Variants in ANKRD34C observed in about 807,000 individuals in gnomAD.
ANKRD34C encodes the protein ankyrin repeat domain-containing protein 34C.
For missense variants in ANKRD34C, 563 were observed against 653.0 expected (o/e 0.86, Z 1.50); for synonymous variants, 260 against 253.6 (o/e 1.03, Z -0.24).
chr15:79,292,118 G>A (rs1161073735), intron 1 of ANKRD34C, among the ~76,000 whole-genome samples: 1 of 152,234 alleles, frequency 6.6e-6, no homozygotes, highest in Non-Finnish European at 1.5e-5. Context: ...AATCAGATGA[G>A]GAGGAAACTC....
chr15:79,289,028 C>T (rs547899432), intron 1 of ANKRD34C, among the ~76,000 whole-genome samples: 241 of 152,114 alleles, frequency 1.6e-3, no homozygotes, highest in African/African-American at 5.6e-3. Context: ...ACCATGTTGG[C>T]CAGCTGGTCT....
In ANKRD34C at chr15:79,295,068, C is replaced by T; in HGVS notation, c.*176C>T. 1.4e-6 allele frequency: 1 copy of T among 713,358 alleles called. No homozygotes were observed. Among genetic ancestry groups the T allele is most frequent in the South Asian group, 2.7e-5 (1 of 37,516 alleles). 44.2% of individuals were successfully genotyped at this position (713,358 alleles called of 1,614,324 possible). On this transcript the variant is annotated 3_prime_UTR_variant, in exon 2 of 2. Transcript: ENST00000421388. ...TTTTTATAGGCCTACTTGAAAAGAG[C>T]TCAGGATAATTGGGTTTTGAAGATA...
intron 1 of ANKRD34C, among the ~76,000 whole-genome samples, chr15:79,290,010 T>C (rs906224186): frequency 6.6e-6 from 1 of 152,130 alleles, no homozygotes; most frequent in Non-Finnish European, 1.5e-5. Flanking sequence ...TTTCTTTATC[T>C]ATTTCCTTCT....
Position 79,297,026 on chromosome 15 carries a change from T to G in ANKRD34C, c.*2134T>G, listed in dbSNP as rs2058673980. The G allele has an allele frequency of 6.0e-6, 1 of 167,132 alleles. No individual in the cohort carries two copies. Among genetic ancestry groups the G allele is most frequent in the African/African-American group, 2.4e-5 (1 of 41,466 alleles). 10.4% of individuals were successfully genotyped at this position (167,132 alleles called of 1,614,324 possible). A position where few individuals can be genotyped will look rare whatever the true frequency, so the allele number is the denominator to read the frequency against. ...AAACACACTCCAACATGTGTGCTAA[T>G]GGTCTCATACTTTGTAGGAAGGGAA... On this transcript the variant is annotated 3_prime_UTR_variant, in exon 2 of 2. Transcript: ENST00000421388.
Position 79,293,422 on chromosome 15 carries a change from A to T in ANKRD34C, c.138A>T (p.Thr46=). Reference sequence around the variant, plus strand: ...ATGAAAGCAATGACAAAGGCGAAACAGCTCTCATGGTGGCGTGCATCACCA... The same window carrying T: ...ATGAAAGCAATGACAAAGGCGAAACTGCTCTCATGGTGGCGTGCATCACCA... ...YINESNDKGE[T]ALMVACITKH... The change falls in exon 2 of 2, where the codon ACA becomes ACT. Residue 46 remains threonine, a synonymous_variant. Transcript: ENST00000421388. The T allele has an allele frequency of 6.4e-7, 1 of 1,551,720 alleles. No individual in the cohort carries two copies. Among genetic ancestry groups the T allele is most frequent in the South Asian group, 1.2e-5 (1 of 84,060 alleles).
At position 79,297,570 on chromosome 15, in the gene ANKRD34C, T is replaced by G. The variant is rs1029069682; in HGVS notation, c.*2678T>G. The G allele has an allele frequency of 6.0e-6, 1 of 167,100 alleles. No individual in the cohort carries two copies. The highest frequency in any genetic ancestry group is 2.4e-5 in the African/African-American group (1 of 41,466). The allele number at this position is 167,100 out of a possible 1,614,324, so 10.4% of individuals were successfully genotyped here. A position where few individuals can be genotyped will look rare whatever the true frequency, so the allele number is the denominator to read the frequency against. On this transcript the variant is annotated 3_prime_UTR_variant, in exon 2 of 2. Coordinates refer to ENST00000421388, the MANE Select transcript of ANKRD34C (RefSeq NM_001146341.2). ...TCATGCCACTCATTGCCTGCATCAG[T>G]CAGTCATGACCTTTGCATCAGCCTT...
chr15:79,288,971 C>T (rs1026773494), intron 1 of ANKRD34C, among the ~76,000 whole-genome samples: 1 of 151,924 alleles, frequency 6.6e-6, no homozygotes, highest in Non-Finnish European at 1.5e-5. Context: ...CAAGCGTGTG[C>T]CACCACGCCT....
rs544083558 is a variant in ANKRD34C at position 79,287,767 on chromosome 15, T to A, written c.-45+4539T>A. ...AGGAAAAGTACTCTCTCCCTGCCTC[T>A]CATCTCAGCTTCTCAGTGTGTTTAC... On this transcript the variant is annotated intron_variant, in intron 1 of 1. Coordinates refer to ENST00000421388, the MANE Select transcript of ANKRD34C (RefSeq NM_001146341.2). Among the ~76,000 whole-genome samples, 27 of 152,336 alleles carry A rather than the reference T, an allele frequency of 1.8e-4. No individual in the cohort carries two copies. The South Asian group carries it at 5.0e-3, about 28-fold the overall frequency.
At chr15:79,291,668 T>C (rs898643498) in intron 1 of ANKRD34C, among the ~76,000 whole-genome samples, 3 of 129,430 alleles carry the variant, frequency 2.3e-5, no homozygotes, top group Non-Finnish European at 4.9e-5. Context: ...AGGAAGGGGA[T>C]GGAGAGACAG....
At chr15:79,283,850 C>T (rs555980261) in intron 1 of ANKRD34C, 1 of 152,358 alleles carries the variant, frequency 6.6e-6, no homozygotes, top group East Asian at 1.9e-4. Flanking sequence ...ACGCTGCTCT[C>T]AGTTCAGGGC....
chr15:79,294,364 A>T lies in ANKRD34C; in HGVS notation c.1080A>T (p.Pro360=). 6.4e-7 allele frequency: 1 copy of T among 1,551,664 alleles called. No individual in the cohort carries two copies. ...ACCAAGAGAAATGTGGTATGGGTCC[A>T]TCAGGACCCTCTGCTCTCAAAGAGC... ...PVDQEKCGMG[P]SGPSALKEPA... The change falls in exon 2 of 2, where the codon CCA becomes CCT. Residue 360 remains proline, a synonymous_variant. Transcript: ENST00000421388.
chr15:79,287,516 G>A (rs1029410633), intron 1 of ANKRD34C, among the ~76,000 whole-genome samples: 1 of 152,220 alleles, frequency 6.6e-6, no homozygotes, highest in Non-Finnish European at 1.5e-5. Context: ...CTAGCCTGGA[G>A]TAGATAATCA....
At chr15:79,290,394 C>T (rs1435885483) in intron 1 of ANKRD34C, among the ~76,000 whole-genome samples, 2 of 152,106 alleles carry the variant, frequency 1.3e-5, no homozygotes, top group African/African-American at 4.8e-5. Context: ...TCTTTTGGTA[C>T]ACATATTAGT....
At chr15:79,293,191 A>C (rs1480275771) in intron 1 of ANKRD34C, 50 bp from the exon 2 acceptor site, 10 of 1,312,126 alleles carry the variant, frequency 7.6e-6, no homozygotes, top group Non-Finnish European at 1.0e-5. Context: ...CATGCTGCAC[A>C]GATCTGTTAT....
At chr15:79,288,374 A>G (rs190509984) in intron 1 of ANKRD34C, among the ~76,000 whole-genome samples, 49 of 152,344 alleles carry the variant, frequency 3.2e-4, no homozygotes, top group African/African-American at 1.2e-3. Context: ...AAATTGTATA[A>G]TCTATTGCAT....
intron 1 of ANKRD34C, among the ~76,000 whole-genome samples, chr15:79,285,137 G>T (rs1436832452): frequency 3.9e-5 from 6 of 152,190 alleles, no homozygotes; most frequent in African/African-American, 1.2e-4. Context: ...ACAAGATTAA[G>T]GCTATAGCCA....
rs978229000 is a variant in ANKRD34C, at chr15:79,295,819, C to T, written c.*927C>T. 2.4e-5 allele frequency: 4 copies of T among 167,038 alleles called. No homozygotes were observed. In the East Asian group the frequency reaches 7.7e-4, roughly 32 times the overall value. The allele number at this position is 167,038 out of a possible 1,614,324, so 10.3% of individuals were successfully genotyped here. A position where few individuals can be genotyped will look rare whatever the true frequency, so the allele number is the denominator to read the frequency against. ...AGATTAAATGGTAAAGTGGGTGGTT[C>T]TCAGGTGAGAAGCAGTGAGGACCAT... On this transcript the variant is annotated 3_prime_UTR_variant, in exon 2 of 2. Coordinates refer to ENST00000421388, the MANE Select transcript of ANKRD34C (RefSeq NM_001146341.2).
chr15:79,293,695 T>A lies in ANKRD34C; in HGVS notation c.411T>A (p.His137Gln), dbSNP rs1312354963. 1 of 1,551,494 alleles carries A rather than the reference T, an allele frequency of 6.4e-7. No homozygotes were observed. Among genetic ancestry groups the A allele is most frequent in the Non-Finnish European group, 8.7e-7 (1 of 1,146,964 alleles). ...INADDKDALK[H>Q]LLDACKAKGK... is the part of the protein sequence containing the mutation. ...CAGATGACAAGGATGCATTGAAGCA[T>A]CTCCTTGATGCCTGCAAAGCCAAAG... is the stretch of plus-strand genomic sequence containing the variant. The change falls in exon 2 of 2, where the codon CAT becomes CAA. Residue 137 changes from histidine (H) to glutamine (Q), a missense_variant. Physicochemically the swap from His to Gln is conservative, Grantham distance 24 (BLOSUM62 0). Coordinates refer to ENST00000421388, the MANE Select transcript of ANKRD34C (RefSeq NM_001146341.2).
In ANKRD34C at chr15:79,296,639, C is replaced by G. The variant is rs1454971680; in HGVS notation, c.*1747C>G. 6.0e-6 allele frequency: 1 copy of G among 166,926 alleles called. No homozygotes were observed. The highest frequency in any genetic ancestry group is 1.9e-4 in the East Asian group (1 of 5,204). 10.3% of individuals were successfully genotyped at this position (166,926 alleles called of 1,614,324 possible). On this transcript the variant is annotated 3_prime_UTR_variant, in exon 2 of 2. Transcript: ENST00000421388. ...TTGCTAGAAATTTATCTGAATATTCCAAACAAAAGTGTTAATGATGGTTAA... is the reference window on the plus strand; with the variant it reads ...TTGCTAGAAATTTATCTGAATATTCGAAACAAAAGTGTTAATGATGGTTAA...
Sources: gnomAD v4.1 joint callset for allele counts (sites outside exome capture counted in the v4.1 genomes callset) on GRCh38, gnomAD v4.1.1 for gene constraint, MANE v1.5 for transcripts, NCBI Gene and HGNC (gene_info 2026-07-23, HGNC 2026-07-21) for gene names.